Variants in NFIA observed in about 807,000 individuals in gnomAD.
NFIA encodes nuclear factor 1 A-type.
A neutral mutation model predicts 62.8 loss-of-function variants in NFIA; 8 were observed. That is an observed-to-expected ratio of 0.13 (90% confidence interval 0.07 to 0.23). The LOEUF (loss-of-function observed/expected upper bound fraction) is 0.23. NFIA is among the 10% of genes least tolerant of loss of function. The pLI is 1.00. For synonymous variants in NFIA, 235 were observed against 238.1 expected (o/e 0.99, Z 0.12); for missense variants, 410 against 642.1 (o/e 0.64, Z 3.91).
chr1:61,151,310 A>G (rs1648382194), intron 2 of NFIA, among the ~76,000 whole-genome samples: 4 of 151,750 alleles, frequency 2.6e-5, no homozygotes, highest in African/African-American at 9.7e-5. Flanking sequence ...CCCAGGTTCA[A>G]GTGATTTTCA....
intron 2 of NFIA, among the ~76,000 whole-genome samples, chr1:61,240,277 CATTGTAAGTTATATCACCATTGAA>C (rs1376464669): frequency 1.1e-4 from 17 of 151,988 alleles, no homozygotes; most frequent in Non-Finnish European, 1.9e-4. Context: ...TTTTCAGTGC[CATTGTAAGTTATATCACCATTGAA>C]ACTAGAATAC....
intron 2 of NFIA, among the ~76,000 whole-genome samples, chr1:61,093,113 T>G (rs1293652979): frequency 6.6e-6 from 1 of 152,196 alleles, no homozygotes; most frequent in Non-Finnish European, 1.5e-5. Context: ...TTAGGTAACT[T>G]CCTACATTAG....
chr1:61,136,744 A>G (rs1647199453), intron 2 of NFIA, among the ~76,000 whole-genome samples: 1 of 150,808 alleles, frequency 6.6e-6, no homozygotes, highest in African/African-American at 2.4e-5. Context: ...GCTGACTTGG[A>G]AGTTTTGGCA....
chr1:61,093,196 T>G (rs1646350605), intron 2 of NFIA, among the ~76,000 whole-genome samples: 1 of 152,192 alleles, frequency 6.6e-6, no homozygotes, highest in African/African-American at 2.4e-5. Context: ...TGTGTTTACA[T>G]TCAAATCTAG....
At chr1:61,217,929 C>T (rs1653750054) in intron 2 of NFIA, among the ~76,000 whole-genome samples, 1 of 152,136 alleles carries the variant, frequency 6.6e-6, no homozygotes, top group African/African-American at 2.4e-5. Flanking sequence ...TATATTATGG[C>T]ACTGTTTTGA....
At chr1:61,325,850 A>G (rs376080592) in intron 3 of NFIA, among the ~76,000 whole-genome samples, 1 of 148,520 alleles carries the variant, frequency 6.7e-6, no homozygotes, top group African/African-American at 2.5e-5. Flanking sequence ...AGATAATGGC[A>G]TGAAACCCAG....
At chr1:61,260,341 C>T (rs2100236646) in intron 2 of NFIA, among the ~76,000 whole-genome samples, 1 of 152,312 alleles carries the variant, frequency 6.6e-6, no homozygotes, top group Middle Eastern at 3.4e-3. Context: ...TTCTGTTCTG[C>T]ACAGTGTAGC....
intron 2 of NFIA, among the ~76,000 whole-genome samples, chr1:61,272,480 C>T (rs1433375987): frequency 6.6e-6 from 1 of 152,126 alleles, no homozygotes; most frequent in Non-Finnish European, 1.5e-5. Flanking sequence ...ACTTATGGTA[C>T]TGGCTGATCA....
At chr1:61,437,328 A>G (rs766652893) in intron 10 of NFIA, among the ~76,000 whole-genome samples, 10 of 152,120 alleles carry the variant, frequency 6.6e-5, no homozygotes, top group Admixed American at 2.6e-4. Flanking sequence ...TAGTAGGTCT[A>G]ATAAGGGAAC....
At chr1:61,118,659 AGTGT>A (rs5774536) in intron 2 of NFIA, among the ~76,000 whole-genome samples, 5,848 of 145,156 alleles carry the variant, frequency 0.04, 272 homozygotes, top group East Asian at 0.23. Context: ...GGTCGGGATG[AGTGT>A]GTGTGTGTGT....
intron 2 of NFIA, among the ~76,000 whole-genome samples, chr1:61,215,031 C>T (rs995679495): frequency 6.6e-6 from 1 of 150,464 alleles, no homozygotes; most frequent in Admixed American, 6.6e-5. Flanking sequence ...ACTTCTTCAA[C>T]AAAATAAGTG....
intron 6 of NFIA, among the ~76,000 whole-genome samples, chr1:61,377,797 T>TA (rs1432238890): frequency 7.2e-5 from 11 of 152,320 alleles, no homozygotes; most frequent in Admixed American, 3.3e-4. Flanking sequence ...GAGCAGCACT[T>TA]ACCAGGGATA....
At chr1:61,454,543 A>G (rs1294295298) in intron 10 of NFIA, among the ~76,000 whole-genome samples, 1 of 152,220 alleles carries the variant, frequency 6.6e-6, no homozygotes, top group Non-Finnish European at 1.5e-5. Context: ...TCCTTTGGAC[A>G]ATGTGGTACT....
intron 2 of NFIA, among the ~76,000 whole-genome samples, chr1:61,099,160 A>G (rs1646467034): frequency 6.6e-6 from 1 of 152,210 alleles, no homozygotes; most frequent in South Asian, 2.1e-4. Context: ...AAGCTTTGTA[A>G]TTCTTCAAAG....
chr1:61,202,792 A>G (rs962809335), intron 2 of NFIA, among the ~76,000 whole-genome samples: 4 of 152,222 alleles, frequency 2.6e-5, no homozygotes, highest in African/African-American at 9.6e-5. Context: ...AAAGACCCCA[A>G]TGGGGAGAAT....
intron 2 of NFIA, among the ~76,000 whole-genome samples, chr1:61,238,629 C>A (rs1171376038): frequency 6.6e-6 from 1 of 152,132 alleles, no homozygotes; most frequent in Non-Finnish European, 1.5e-5. Context: ...GGGCTCAAGC[C>A]TGAGAAGACC....
intron 7 of NFIA, among the ~76,000 whole-genome samples, chr1:61,390,713 T>C (rs2100498419): frequency 6.6e-6 from 1 of 152,078 alleles, no homozygotes; most frequent in South Asian, 2.1e-4. Flanking sequence ...TAGACAATAA[T>C]AGAGGAGCGG....
chr1:61,202,750 G>T (rs1313064246), intron 2 of NFIA, among the ~76,000 whole-genome samples: 2 of 152,122 alleles, frequency 1.3e-5, no homozygotes, highest in Non-Finnish European at 2.9e-5. Context: ...ATTTGCACAG[G>T]AGGAGAATTA....
At chr1:61,332,635 C>T in intron 4 of NFIA, 49 bp downstream of exon 4, 1 of 1,541,058 alleles carries the variant, frequency 6.5e-7, no homozygotes, top group Non-Finnish European at 9.0e-7. Flanking sequence ...TTGGTTTGTG[C>T]TTACTTTCTG....
Sources: gnomAD v4.1 joint callset for allele counts (sites outside exome capture counted in the v4.1 genomes callset) on GRCh38, gnomAD v4.1.1 for gene constraint, MANE v1.5 for transcripts, NCBI Gene and HGNC (gene_info 2026-07-23, HGNC 2026-07-21) for gene names.